Variants in BTC observed in about 807,000 individuals in gnomAD.
BTC encodes the protein probetacellulin.
Under a neutral mutation model 18.1 loss-of-function variants are expected in BTC, and 13 were observed. The ratio of observed to expected loss-of-function variants is 0.72; its 90% CI spans 0.47 to 1.14. The LOEUF (loss-of-function observed/expected upper bound fraction) is 1.14. Ranked by LOEUF, BTC falls within the 50% of genes most tolerant of loss-of-function variation. The pLI is 0.00. For missense variants in BTC, 247 were observed against 224.2 expected, an observed-to-expected ratio of 1.10 and a Z score of -0.65; for synonymous variants, 83 against 79.4, an observed-to-expected ratio of 1.05 and a Z score of -0.24.
chr4:74,766,794 A>G (rs1724913006), intron 2 of BTC, among the ~76,000 whole-genome samples: 1 of 152,098 alleles, frequency 6.6e-6, no homozygotes, highest in African/African-American at 2.4e-5. Flanking sequence ...TTAAACAAAG[A>G]CATTATAAGA....
chr4:74,772,858 C>T (rs1183477603), intron 1 of BTC, among the ~76,000 whole-genome samples: 1 of 152,212 alleles, frequency 6.6e-6, no homozygotes, highest in Non-Finnish European at 1.5e-5. Context: ...CAATTCTGCT[C>T]ACAGAGGGAG....
At chr4:74,763,877 G>A (rs1724830128) in intron 2 of BTC, among the ~76,000 whole-genome samples, 6 of 152,116 alleles carry the variant, frequency 3.9e-5, no homozygotes, top group Admixed American at 3.9e-4. Context: ...ACATAAAAAT[G>A]ATAAATGTTT....
chr4:74,788,117 T>C (rs1725529497), intron 1 of BTC, among the ~76,000 whole-genome samples: 1 of 152,200 alleles, frequency 6.6e-6, no homozygotes, highest in South Asian at 2.1e-4. Context: ...ACCCCCTGCC[T>C]CCAATTCCTA....
chr4:74,770,002 T>C, intron 2 of BTC, 56 bp downstream of exon 2: 1 of 1,402,538 alleles, frequency 7.1e-7, no homozygotes, highest in Non-Finnish European at 1.0e-6. Flanking sequence ...TTATGAGTAC[T>C]ATTATTATCA....
intron 2 of BTC, among the ~76,000 whole-genome samples, chr4:74,760,016 A>T (rs556334468): frequency 6.6e-6 from 1 of 152,350 alleles, no homozygotes; most frequent in East Asian, 1.9e-4. Flanking sequence ...TTCAGAGTAG[A>T]TCCGTTAGGT....
chr4:74,756,319 G>A (rs1412148054), intron 2 of BTC, among the ~76,000 whole-genome samples: 1 of 152,120 alleles, frequency 6.6e-6, no homozygotes, highest in Non-Finnish European at 1.5e-5. Flanking sequence ...AGAGAAGAGA[G>A]GTTTTTTGTT....
At chr4:74,760,880 G>C (rs1397823339) in intron 2 of BTC, among the ~76,000 whole-genome samples, 8 of 152,090 alleles carry the variant, frequency 5.3e-5, no homozygotes, top group African/African-American at 1.9e-4. Context: ...GACTACAGGT[G>C]CCCACCACCA....
At chr4:74,749,693 TGTTG>T (rs1560708313) in intron 4 of BTC, among the ~76,000 whole-genome samples, 1 of 134,970 alleles carries the variant, frequency 7.4e-6, no homozygotes, top group Non-Finnish European at 1.6e-5. Context: ...TTTTTGTTGT[TGTTG>T]TTGTTGTTGT....
intron 2 of BTC, among the ~76,000 whole-genome samples, chr4:74,758,644 C>T (rs1485239231): frequency 3.9e-5 from 6 of 152,138 alleles, no homozygotes; most frequent in Non-Finnish European, 8.8e-5. Flanking sequence ...TTTTGATAAA[C>T]ACCATGCAGA....
chr4:74,765,847 A>G (rs1003300651), intron 2 of BTC, among the ~76,000 whole-genome samples: 3 of 152,130 alleles, frequency 2.0e-5, no homozygotes, highest in African/African-American at 7.2e-5. Context: ...TCACTTAATG[A>G]CAGGGATATG....
chr4:74,781,217 C>T (rs1177045471), intron 1 of BTC, among the ~76,000 whole-genome samples: 2 of 130,760 alleles, frequency 1.5e-5, no homozygotes, highest in African/African-American at 7.3e-5. Flanking sequence ...TAAATTTCTT[C>T]CAAATGCTGC....
chr4:74,763,898 A>T (rs1724830568), intron 2 of BTC, among the ~76,000 whole-genome samples: 1 of 152,204 alleles, frequency 6.6e-6, no homozygotes, highest in African/African-American at 2.4e-5. Context: ...GAGGTGATAG[A>T]TACATGCTAA....
chr4:74,763,232 A>T (rs992437212), intron 2 of BTC, among the ~76,000 whole-genome samples: 17 of 152,172 alleles, frequency 1.1e-4, no homozygotes, highest in Non-Finnish European at 1.9e-4. Flanking sequence ...TGTGATATTT[A>T]AGCAAAGTGA....
At chr4:74,761,435 A>C (rs993704040) in intron 2 of BTC, among the ~76,000 whole-genome samples, 1 of 152,144 alleles carries the variant, frequency 6.6e-6, no homozygotes, top group African/African-American at 2.4e-5. Flanking sequence ...CATCTCTATG[A>C]TAACAATTTC....
At chr4:74,755,791 T>C (rs868919707) in intron 3 of BTC, 68 bp downstream of exon 3, 34 of 1,427,544 alleles carry the variant, frequency 2.4e-5, no homozygotes, top group Admixed American at 3.4e-5. Context: ...CACTTTCCAG[T>C]CCTGGCAAGA....
intron 2 of BTC, among the ~76,000 whole-genome samples, chr4:74,763,803 A>G (rs1370137706): frequency 6.6e-6 from 1 of 152,134 alleles, no homozygotes; most frequent in Non-Finnish European, 1.5e-5. Flanking sequence ...GGGTAACTAT[A>G]ATTAACAATA....
chr4:74,790,875 G>A (rs976774351), intron 1 of BTC, among the ~76,000 whole-genome samples: 3 of 152,220 alleles, frequency 2.0e-5, no homozygotes, highest in African/African-American at 7.2e-5. Context: ...AATAGCCAGA[G>A]CCAGGGATGG....
chr4:74,776,475 C>T (rs1725178897), intron 1 of BTC, among the ~76,000 whole-genome samples: 1 of 152,096 alleles, frequency 6.6e-6, no homozygotes, highest in South Asian at 2.1e-4. Context: ...GAAAAGAAAT[C>T]CAATTGTACT....
chr4:74,766,543 A>T (rs1724907903), intron 2 of BTC, among the ~76,000 whole-genome samples: 1 of 152,078 alleles, frequency 6.6e-6, no homozygotes, highest in Non-Finnish European at 1.5e-5. Context: ...CCTAGAAACA[A>T]CCAATCATGA....
Sources: allele counts gnomAD v4.1 joint callset (sites outside exome capture counted in the v4.1 genomes callset), GRCh38; gene constraint gnomAD v4.1.1; transcripts MANE v1.5; gene names NCBI Gene and HGNC (gene_info 2026-07-23, HGNC 2026-07-21).